The following CD99L2 variants were observed in gnomAD, a reference collection of about 807,000 sequenced individuals.
CD99L2 encodes the protein CD99 molecule like 2.
Under a neutral mutation model 27.3 loss-of-function variants are expected in CD99L2, and 24 were observed. The observed-to-expected ratio is 0.88, with a 90% confidence interval of 0.64 to 1.24. CD99L2 has a LOEUF of 1.24. CD99L2 is among the 50% of genes most tolerant of loss of function. The probability of loss-of-function intolerance (pLI) is 0.00; values close to 1 mark genes in which losing one functional copy is unlikely to be tolerated. For synonymous variants in CD99L2, 97 were observed against 87.9 expected, an observed-to-expected ratio of 1.10 and a Z score of -0.58; for missense variants, 255 against 221.6, an observed-to-expected ratio of 1.15 and a Z score of -0.96.
chrX:150,849,979 C>G (rs181585805), intron 1 of CD99L2, among the ~76,000 whole-genome samples: 163 of 111,735 alleles, frequency 1.5e-3, no homozygotes, highest in Non-Finnish European at 2.2e-3. Flanking sequence ...TTTAATACTA[C>G]GCAAAATAAA....
At chrX:150,859,908 G>T (rs1470381846) in intron 1 of CD99L2, among the ~76,000 whole-genome samples, 4 of 111,144 alleles carry the variant, frequency 3.6e-5, no homozygotes, top group African/African-American at 1.3e-4. Context: ...ATATAAAAAA[G>T]AACTAACAGT....
intron 9 of CD99L2, chrX:150,771,841 G>A (rs2043462311): frequency 8.7e-7 from 1 of 1,155,009 alleles, no homozygotes. Context: ...AAGACACAAA[G>A]CTTAGAATCC....
chrX:150,811,757 CT>C (rs1346664570), intron 4 of CD99L2, among the ~76,000 whole-genome samples: 5 of 111,367 alleles, frequency 4.5e-5, no homozygotes, highest in Non-Finnish European at 9.4e-5. Context: ...ACAAATGGTC[CT>C]AGAACAATTA....
intron 1 of CD99L2, among the ~76,000 whole-genome samples, chrX:150,834,233 C>A (rs782788755): frequency 8.9e-6 from 1 of 112,112 alleles, no homozygotes; most frequent in African/African-American, 3.2e-5. Context: ...GTGGCTCATG[C>A]TTGTAATCCC....
At chrX:150,834,658 G>A (rs781933443) in intron 1 of CD99L2, among the ~76,000 whole-genome samples, 1 of 112,087 alleles carries the variant, frequency 8.9e-6, no homozygotes, top group South Asian at 3.7e-4. Context: ...CCATTTTGGA[G>A]AATGGTATGG....
chrX:150,785,598 C>G (rs2045581700), intron 7 of CD99L2, among the ~76,000 whole-genome samples: 1 of 111,466 alleles, frequency 9.0e-6, no homozygotes, highest in Non-Finnish European at 1.9e-5. Context: ...AGACCCCTAT[C>G]AAGACACAGA....
chrX:150,847,616 C>G (rs2046722123), intron 1 of CD99L2, among the ~76,000 whole-genome samples: 1 of 110,132 alleles, frequency 9.1e-6, no homozygotes, highest in Non-Finnish European at 1.9e-5. Flanking sequence ...CTTGCTCCCT[C>G]TCAAATCACT....
At chrX:150,783,425 T>C (rs1261361249) in intron 7 of CD99L2, among the ~76,000 whole-genome samples, 1 of 111,147 alleles carries the variant, frequency 9.0e-6, no homozygotes, top group African/African-American at 3.3e-5. Context: ...GAACTACAAG[T>C]GAGGGCGTTC....
intron 1 of CD99L2, among the ~76,000 whole-genome samples, chrX:150,865,160 G>C (rs782588705): frequency 2.4e-4 from 27 of 110,518 alleles, no homozygotes; most frequent in Admixed American, 2.4e-3. Context: ...GAGGAGAGGG[G>C]GGGAAAGTAT....
intron 4 of CD99L2, among the ~76,000 whole-genome samples, chrX:150,796,395 T>C (rs1412681262): frequency 1.8e-5 from 2 of 112,169 alleles, no homozygotes; most frequent in African/African-American, 6.5e-5. Flanking sequence ...AGTTCTCAGA[T>C]GGAATGAAGA....
Position 150,777,429 on chromosome X carries a change from G to A in CD99L2, c.535+15C>T, listed in dbSNP as rs1362296705. 1.7e-6 allele frequency: 2 copies of A among 1,209,890 alleles called. No individual in the cohort carries two copies. The highest frequency in any genetic ancestry group is 1.7e-5 in the African/African-American group (1 of 57,292). On this transcript the variant is annotated intron_variant, in intron 8 of 10. Coordinates refer to ENST00000370377, the MANE Select transcript of CD99L2 (RefSeq NM_031462.4). ...TTCACATGGCCAACAGGAGCCTCAG[G>A]ATTCAGAAACCCACCAGATCCAGGG... is the stretch of plus-strand genomic sequence containing the variant.
intron 1 of CD99L2, among the ~76,000 whole-genome samples, chrX:150,831,957 C>G (rs1231525139): frequency 9.0e-6 from 1 of 111,717 alleles, no homozygotes; most frequent in Non-Finnish European, 1.9e-5. Flanking sequence ...AATAGTAGAA[C>G]ACTTCAATAC....
chrX:150,852,417 C>A (rs1273255772), intron 1 of CD99L2, among the ~76,000 whole-genome samples: 1 of 109,740 alleles, frequency 9.1e-6, no homozygotes, highest in African/African-American at 3.3e-5. Flanking sequence ...TCCCTCTGCC[C>A]GGAAGACTCC....
At position 150,814,879 on chromosome X, in the gene CD99L2, G is replaced by A. The variant is rs781889438; in HGVS notation, c.260C>T (p.Pro87Leu). The A allele has an allele frequency of 3.7e-5, 45 of 1,209,605 alleles. No homozygotes were observed. Among genetic ancestry groups the A allele is most frequent in the Middle Eastern group, 2.3e-4 (1 of 4,348 alleles). ...AGACTTACCTCTTCCTCCTATACCCGGTTTCCTGCGGCCATCATCTTGATC... is the reference window on the plus strand; with the variant it reads ...AGACTTACCTCTTCCTCCTATACCCAGTTTCCTGCGGCCATCATCTTGATC... Reference protein sequence around the residue: ...LDDQDDGRRKPGIGGRERWNH... With the variant: ...LDDQDDGRRKLGIGGRERWNH... The change falls in exon 4 of 11, where the codon CCG becomes CTG. Residue 87 changes from proline to leucine, a missense_variant. Transcript: ENST00000370377.
intron 1 of CD99L2, among the ~76,000 whole-genome samples, chrX:150,887,431 A>G (rs1254265885): frequency 1.9e-5 from 2 of 105,803 alleles, no homozygotes; most frequent in Non-Finnish European, 3.9e-5. Context: ...GGGTGACAAG[A>G]GCAAAACTCC....
At chrX:150,887,447 C>CATAA (rs1259455211) in intron 1 of CD99L2, among the ~76,000 whole-genome samples, 3 of 78,654 alleles carry the variant, frequency 3.8e-5, no homozygotes, top group African/African-American at 1.1e-4. Flanking sequence ...ACTCCGTCTC[C>CATAA]AGAAATAAAT....
At position 150,797,771 on chromosome X, in the gene CD99L2, G is replaced by A. The variant is rs886673371; in HGVS notation, c.278-2285C>T. 2.7e-5 allele frequency among the ~76,000 whole-genome samples: 3 copies of A among 111,210 alleles called. No homozygotes were observed. The Admixed American group carries it at 2.9e-4, about 11-fold the overall frequency. The stretch of plus-strand genomic sequence containing the variant: ...TAGGAAGCCCAGAAATAGGCCGGGT[G>A]CAGTGGCTCACGCCTGTTATCTCAA... On this transcript the variant is annotated intron_variant, in intron 4 of 10. Coordinates refer to ENST00000370377, the MANE Select transcript of CD99L2 (RefSeq NM_031462.4).
At chrX:150,895,861 A>G (rs1355717237) in intron 1 of CD99L2, among the ~76,000 whole-genome samples, 1 of 109,290 alleles carries the variant, frequency 9.1e-6, no homozygotes, top group Non-Finnish European at 1.9e-5. Flanking sequence ...CTCTGTCTGT[A>G]CTAAAAATAC....
intron 1 of CD99L2, among the ~76,000 whole-genome samples, chrX:150,881,806 C>T (rs2047329679): frequency 9.3e-6 from 1 of 107,689 alleles, no homozygotes; most frequent in Non-Finnish European, 1.9e-5. Context: ...CCTGACAGTA[C>T]TCTTTCCAAT....
Sources: allele counts gnomAD v4.1 joint callset (sites outside exome capture counted in the v4.1 genomes callset), GRCh38; gene constraint gnomAD v4.1.1; transcripts MANE v1.5; gene names NCBI Gene and HGNC (gene_info 2026-07-23, HGNC 2026-07-21).